Variants in SLC25A21 observed in about 807,000 individuals in gnomAD.
SLC25A21 encodes mitochondrial 2-oxodicarboxylate carrier.
Under a neutral mutation model 43.8 loss-of-function variants are expected in SLC25A21, and 47 were observed. The ratio of observed to expected loss-of-function variants is 1.07; its 90% confidence interval spans 0.85 to 1.37. The LOEUF (loss-of-function observed/expected upper bound fraction) is 1.37. SLC25A21 is among the 40% of genes most tolerant of loss of function. The probability of loss-of-function intolerance (pLI) is 0.00; values close to 1 mark genes in which losing one functional copy is unlikely to be tolerated. For synonymous variants in SLC25A21, 131 were observed against 121.3 expected, an observed-to-expected ratio of 1.08 and a Z score of -0.52; for missense variants, 352 against 350.2, an observed-to-expected ratio of 1.00 and a Z score of -0.04.
intron 1 of SLC25A21, among the ~76,000 whole-genome samples, chr14:37,082,604 C>A (rs1962410203): frequency 6.6e-6 from 1 of 152,108 alleles, no homozygotes; most frequent in Admixed American, 6.5e-5. Flanking sequence ...TGTCCTAGCG[C>A]ACAGTGGAGT....
At chr14:36,966,816 CA>C (rs914564341) in intron 1 of SLC25A21, among the ~76,000 whole-genome samples, 47 of 152,176 alleles carry the variant, frequency 3.1e-4, no homozygotes, top group African/African-American at 1.1e-3. Context: ...CTTGGGGAAC[CA>C]GAACTTTATC....
chr14:36,705,758 C>T lies in SLC25A21; in HGVS notation c.603+5560G>A, dbSNP rs149329830. Among the ~76,000 whole-genome samples the T allele has an allele frequency of 1.5e-4, 23 of 152,118 alleles. 1 individual carries two copies. The highest frequency in any genetic ancestry group is 5.3e-4 in the African/African-American group (22 of 41,500). On this transcript the variant is annotated intron_variant, in intron 7 of 9. Coordinates refer to ENST00000331299, the MANE Select transcript of SLC25A21 (RefSeq NM_030631.4). The stretch of plus-strand genomic sequence containing the variant: ...AATTAAAGAAAAATCTAGAATTATC[C>T]CATGCCAGTCAGAGTGCGTGAAATC...
At chr14:36,743,093 C>T (rs958427506) in intron 3 of SLC25A21, among the ~76,000 whole-genome samples, 1 of 152,122 alleles carries the variant, frequency 6.6e-6, no homozygotes, top group African/African-American at 2.4e-5. Context: ...TGGCAGAGTG[C>T]TCAATGCACT....
intron 3 of SLC25A21, chr14:36,808,942 C>T (rs1749935): frequency 0.45 from 68,369 of 151,878 alleles, 16,159 homozygotes; most frequent in East Asian, 0.69. Context: ...GGGTTTACAA[C>T]GACATAATGT....
intron 3 of SLC25A21, among the ~76,000 whole-genome samples, chr14:36,755,793 C>G (rs1885905606): frequency 6.6e-6 from 1 of 152,178 alleles, no homozygotes; most frequent in Non-Finnish European, 1.5e-5. Context: ...ACCAGCTCCA[C>G]AGCATGTTCC....
chr14:37,089,390 C>A lies in SLC25A21; in HGVS notation c.70+82891G>T, dbSNP rs149870331. Among the ~76,000 whole-genome samples, 29 of 152,264 alleles carry A rather than the reference C, an allele frequency of 1.9e-4. 1 individual carries two copies. In the East Asian group the frequency reaches 5.2e-3, roughly 27 times the overall value. ...AGGAAGTTACATCCTAAGTTTAAGA[C>A]CATGTCACCGTGTAACCCAGCAAAT... is the stretch of plus-strand genomic sequence containing the variant. On this transcript the variant is annotated intron_variant, in intron 1 of 9. Coordinates refer to ENST00000331299, the MANE Select transcript of SLC25A21 (RefSeq NM_030631.4).
At chr14:36,731,042 G>T (rs1884802549) in intron 4 of SLC25A21, among the ~76,000 whole-genome samples, 1 of 149,650 alleles carries the variant, frequency 6.7e-6, no homozygotes, top group Admixed American at 6.7e-5. Flanking sequence ...GCGCGATCTC[G>T]GCTCACTGCA....
chr14:37,103,089 A>G (rs1962846790), intron 1 of SLC25A21, among the ~76,000 whole-genome samples: 1 of 152,194 alleles, frequency 6.6e-6, no homozygotes, highest in Non-Finnish European at 1.5e-5. Flanking sequence ...AGAAAACTGA[A>G]AGCTCTTCTA....
intron 1 of SLC25A21, among the ~76,000 whole-genome samples, chr14:37,168,593 C>A (rs954648156): frequency 5.9e-5 from 9 of 151,970 alleles, no homozygotes; most frequent in African/African-American, 2.2e-4. Flanking sequence ...AGAGGTGGGC[C>A]CCTACTAATG....
At chr14:36,731,118 G>A (rs1346784009) in intron 4 of SLC25A21, among the ~76,000 whole-genome samples, 2 of 151,914 alleles carry the variant, frequency 1.3e-5, no homozygotes, top group South Asian at 2.1e-4. Context: ...GACTACAGGC[G>A]CCCGCTACCA....
intron 3 of SLC25A21, among the ~76,000 whole-genome samples, chr14:36,743,662 C>T (rs1364669404): frequency 6.6e-6 from 1 of 152,114 alleles, no homozygotes; most frequent in Non-Finnish European, 1.5e-5. Context: ...AGGATGCCCA[C>T]TTTCACCAAT....
chr14:37,070,684 C>A (rs1205927942), intron 1 of SLC25A21, among the ~76,000 whole-genome samples: 1 of 152,188 alleles, frequency 6.6e-6, no homozygotes, highest in African/African-American at 2.4e-5. Flanking sequence ...CAGAATTGCA[C>A]ATCATGTTCC....
chr14:36,776,234 C>CTTTTTTTTTTTTTTTTTTTTTTTTTTTTT (rs1397904925), intron 3 of SLC25A21, among the ~76,000 whole-genome samples: 2 of 75,762 alleles, frequency 2.6e-5, no homozygotes, highest in African/African-American at 1.1e-4. Context: ...TTCTTTCTTT[C>CTTTTTTTTTTTTTTTTTTTTTTTTTTTTT]TTTCTTTTTT....
intron 1 of SLC25A21, among the ~76,000 whole-genome samples, chr14:37,086,884 T>C (rs997644606): frequency 2.0e-5 from 3 of 152,244 alleles, no homozygotes; most frequent in African/African-American, 7.2e-5. Context: ...TACAATCTCA[T>C]ACATTTTAAT....
At chr14:37,044,420 A>G (rs1350426245) in intron 1 of SLC25A21, among the ~76,000 whole-genome samples, 1 of 152,160 alleles carries the variant, frequency 6.6e-6, no homozygotes, top group African/African-American at 2.4e-5. Flanking sequence ...CTAATAGTGG[A>G]CTATTCTTTC....
chr14:36,751,421 T>C (rs1885703921), intron 3 of SLC25A21, among the ~76,000 whole-genome samples: 1 of 152,230 alleles, frequency 6.6e-6, no homozygotes, highest in Non-Finnish European at 1.5e-5. Context: ...TCTGGTGTTC[T>C]GCAGGTGATT....
At chr14:36,766,817 A>G (rs1469103416) in intron 3 of SLC25A21, among the ~76,000 whole-genome samples, 1 of 152,100 alleles carries the variant, frequency 6.6e-6, no homozygotes, top group Non-Finnish European at 1.5e-5. Context: ...TAATCTAAAG[A>G]CTGAATTTTC....
chr14:37,160,296 C>G (rs1157484612), intron 1 of SLC25A21, among the ~76,000 whole-genome samples: 1 of 152,198 alleles, frequency 6.6e-6, no homozygotes, highest in African/African-American at 2.4e-5. Context: ...TTCACTATAG[C>G]AAACACATGG....
At chr14:36,796,431 A>G (rs1334428777) in intron 3 of SLC25A21, among the ~76,000 whole-genome samples, 2 of 150,362 alleles carry the variant, frequency 1.3e-5, no homozygotes, top group African/African-American at 4.9e-5. Flanking sequence ...TTTTTTTTAA[A>G]AAGTACCAAA....
Sources: gnomAD v4.1 joint callset for allele counts (sites outside exome capture counted in the v4.1 genomes callset) on GRCh38, gnomAD v4.1.1 for gene constraint, MANE v1.5 for transcripts, NCBI Gene and HGNC (gene_info 2026-07-23, HGNC 2026-07-21) for gene names.